GLT1D1: variants seen among roughly 807,000 people sequenced by gnomAD.
GLT1D1 encodes the protein glycosyltransferase 1 domain-containing protein 1.
GLT1D1 carries 21 observed loss-of-function variants against 28.7 expected under a neutral mutation model. That is an observed-to-expected ratio of 0.73 (90% CI 0.52 to 1.05). The LOEUF is 1.05. Among genes scored for constraint, GLT1D1 ranks in the 50% least tolerant of loss-of-function variants. The pLI, the probability that GLT1D1 is intolerant of heterozygous loss-of-function variation, is 0.00. For synonymous variants in GLT1D1, 147 were observed against 124.8 expected (o/e 1.18, Z -1.19); for missense variants, 343 against 330.6 (o/e 1.04, Z -0.29).
At position 128,978,318 on chromosome 12, in the gene GLT1D1, A is replaced by G. The variant is rs563688503; in HGVS notation, c.640-4611A>G. On this transcript the variant is annotated intron_variant, in intron 7 of 7. Coordinates refer to ENST00000281703, the MANE Select transcript of GLT1D1 (RefSeq NM_144669.3). The stretch of plus-strand genomic sequence containing the variant: ...GTCCTGCTGTGTAGCTCTCCAGTGC[A>G]TTTGATAAGGTGCCCGGTGTCAGAT... 2.0e-5 allele frequency among the ~76,000 whole-genome samples: 3 copies of G among 151,988 alleles called. No homozygotes were observed. The South Asian group carries it at 6.2e-4, about 31-fold the overall frequency.
chr12:128,855,693 A>C (rs895302185), intron 1 of GLT1D1, among the ~76,000 whole-genome samples: 1 of 151,994 alleles, frequency 6.6e-6, no homozygotes, highest in African/African-American at 2.4e-5. Flanking sequence ...AAAGTAAAAA[A>C]ATAAAAGACT....
intron 3 of GLT1D1, among the ~76,000 whole-genome samples, chr12:128,896,371 G>A (rs994386972): frequency 6.6e-6 from 1 of 151,996 alleles, no homozygotes; most frequent in African/African-American, 2.4e-5. Context: ...TAAAAAAAAT[G>A]GCTGTCCCAA....
At chr12:128,963,158 G>A (rs1479005306) in intron 7 of GLT1D1, among the ~76,000 whole-genome samples, 1 of 152,162 alleles carries the variant, frequency 6.6e-6, no homozygotes, top group Non-Finnish European at 1.5e-5. Context: ...ACGACAGTGG[G>A]TTACCTGAGG....
intron 3 of GLT1D1, among the ~76,000 whole-genome samples, chr12:128,896,638 G>T (rs1379271729): frequency 1.4e-5 from 2 of 144,356 alleles, no homozygotes; most frequent in Non-Finnish European, 3.0e-5. Flanking sequence ...GGAGTGCAGT[G>T]GCATGATCTT....
At chr12:128,958,233 G>T (rs1420957036) in intron 7 of GLT1D1, among the ~76,000 whole-genome samples, 1 of 152,146 alleles carries the variant, frequency 6.6e-6, no homozygotes, top group Non-Finnish European at 1.5e-5. Context: ...TGCGGTCCAG[G>T]GTTTGCCTGC....
chr12:128,965,246 GT>G (rs1878336006), intron 7 of GLT1D1, among the ~76,000 whole-genome samples: 1 of 152,244 alleles, frequency 6.6e-6, no homozygotes, highest in African/African-American at 2.4e-5. Flanking sequence ...ACTGGGACCT[GT>G]GGAGGGATCC....
intron 7 of GLT1D1, among the ~76,000 whole-genome samples, chr12:128,964,204 A>G (rs1878236343): frequency 6.6e-6 from 1 of 152,202 alleles, no homozygotes. Flanking sequence ...CAACATGGAG[A>G]AACCCTGTCT....
chr12:128,962,904 A>G (rs648279), intron 7 of GLT1D1, among the ~76,000 whole-genome samples: 6 of 151,972 alleles, frequency 3.9e-5, no homozygotes, highest in African/African-American at 1.5e-4. Flanking sequence ...GTTTCACCAT[A>G]TTGGCCAGGC....
intron 1 of GLT1D1, among the ~76,000 whole-genome samples, chr12:128,857,750 A>G (rs980464664): frequency 6.6e-6 from 1 of 152,204 alleles, no homozygotes; most frequent in Admixed American, 6.5e-5. Context: ...CTGGCAGAAT[A>G]GGAGGTCAGA....
chr12:128,972,011 C>A (rs946213290), intron 7 of GLT1D1, among the ~76,000 whole-genome samples: 17 of 71,570 alleles, frequency 2.4e-4, no homozygotes, highest in Non-Finnish European at 7.1e-4. Context: ...TTCCCTGACT[C>A]TCTGTCGCAC....
intron 4 of GLT1D1, among the ~76,000 whole-genome samples, chr12:128,924,351 G>A (rs1158493428): frequency 2.6e-5 from 4 of 151,628 alleles, no homozygotes; most frequent in South Asian, 2.1e-4. Flanking sequence ...TGCTTGAACC[G>A]GGGAGGTGGA....
chr12:128,938,070 G>A lies in GLT1D1; in HGVS notation c.376-7256G>A, dbSNP rs193272742. On this transcript the variant is annotated intron_variant, in intron 4 of 7. Transcript: ENST00000281703. ...ACTTTGGACAGAAACTAGAGAGGCA[G>A]CAGAGCATAGTTTTACAAATTCAGC... 5.3e-5 allele frequency among the ~76,000 whole-genome samples: 8 copies of A among 152,306 alleles called. No individual in the cohort carries two copies. In the East Asian group the frequency reaches 1.5e-3, roughly 29 times the overall value.
At chr12:128,979,189 G>A (rs1174362424) in intron 7 of GLT1D1, among the ~76,000 whole-genome samples, 5 of 152,222 alleles carry the variant, frequency 3.3e-5, no homozygotes, top group African/African-American at 1.2e-4. Context: ...TGGCAGGGGA[G>A]AACAGGGTAA....
At chr12:128,873,144 C>T (rs1275998498) in intron 1 of GLT1D1, among the ~76,000 whole-genome samples, 1 of 152,136 alleles carries the variant, frequency 6.6e-6, no homozygotes, top group Non-Finnish European at 1.5e-5. Flanking sequence ...GATCCTCCGA[C>T]CTCTGCCTCC....
intron 7 of GLT1D1, among the ~76,000 whole-genome samples, chr12:128,958,397 A>G (rs1877513012): frequency 6.6e-6 from 1 of 152,054 alleles, no homozygotes; most frequent in Non-Finnish European, 1.5e-5. Context: ...AGAGGTGCAC[A>G]TGAAACATGC....
intron 4 of GLT1D1, chr12:128,914,952 C>T (rs766521618): frequency 1.8e-4 from 281 of 1,536,058 alleles, no homozygotes; most frequent in South Asian, 2.3e-4. Flanking sequence ...CAACACCAAA[C>T]GCCGCTTTTA....
chr12:128,962,005 TTG>T (rs1878007237), intron 7 of GLT1D1, among the ~76,000 whole-genome samples: 1 of 151,688 alleles, frequency 6.6e-6, no homozygotes, highest in Non-Finnish European at 1.5e-5. Context: ...TACGGTGGCC[TTG>T]TGTGTGTGCC....
intron 1 of GLT1D1, among the ~76,000 whole-genome samples, chr12:128,855,651 C>T (rs555268670): frequency 6.6e-6 from 1 of 150,956 alleles, no homozygotes; most frequent in East Asian, 2.0e-4. Flanking sequence ...GAATTCAGGG[C>T]GAGTCCTTAA....
intron 1 of GLT1D1, among the ~76,000 whole-genome samples, chr12:128,861,104 G>A (rs1013634116): frequency 1.3e-5 from 2 of 152,090 alleles, no homozygotes; most frequent in Non-Finnish European, 2.9e-5. Flanking sequence ...TAAAACAGGA[G>A]GCTAGTCCTT....
Sources: allele counts gnomAD v4.1 joint callset (sites outside exome capture counted in the v4.1 genomes callset), GRCh38; gene constraint gnomAD v4.1.1; transcripts MANE v1.5; gene names NCBI Gene and HGNC (gene_info 2026-07-23, HGNC 2026-07-21).